Variants in IL12RB2 observed in about 807,000 individuals in gnomAD.
IL12RB2 encodes the protein interleukin-12 receptor subunit beta-2.
Under a neutral mutation model 89.4 loss-of-function variants are expected in IL12RB2, and 82 were observed. That is an observed-to-expected ratio of 0.92 (90% confidence interval 0.77 to 1.10). The LOEUF (loss-of-function observed/expected upper bound fraction) is 1.10. IL12RB2 is among the 50% of genes least tolerant of loss of function. The pLI is 0.00. For missense variants in IL12RB2, 963 were observed against 1,031.9 expected, an observed-to-expected ratio of 0.93 and a Z score of 0.92; for synonymous variants, 368 against 370.1, an observed-to-expected ratio of 0.99 and a Z score of 0.07.
At chr1:67,354,867 G>T (rs1268930913) in intron 10 of IL12RB2, among the ~76,000 whole-genome samples, 1 of 152,208 alleles carries the variant, frequency 6.6e-6, no homozygotes, top group African/African-American at 2.4e-5. Flanking sequence ...TGCTGATTTT[G>T]AGAGACCAGA....
intron 8 of IL12RB2, among the ~76,000 whole-genome samples, chr1:67,335,772 A>G (rs1184901516): frequency 6.6e-6 from 1 of 152,198 alleles, no homozygotes; most frequent in Non-Finnish European, 1.5e-5. Context: ...TGCTTTAAGC[A>G]GCAGTGATTT....
At chr1:67,322,100 T>G (rs1015531550) in intron 4 of IL12RB2, among the ~76,000 whole-genome samples, 3 of 152,062 alleles carry the variant, frequency 2.0e-5, no homozygotes, top group Non-Finnish European at 2.9e-5. Context: ...TCTCTCTCTC[T>G]CGCCATTAAA....
At chr1:67,326,410 C>T (rs952456576) in intron 4 of IL12RB2, among the ~76,000 whole-genome samples, 2 of 151,732 alleles carry the variant, frequency 1.3e-5, no homozygotes, top group African/African-American at 4.9e-5. Context: ...CCAGATATTT[C>T]ACCTCTCTCA....
At chr1:67,371,606 T>C (rs1663315087) in intron 11 of IL12RB2, among the ~76,000 whole-genome samples, 1 of 152,200 alleles carries the variant, frequency 6.6e-6, no homozygotes, top group Admixed American at 6.5e-5. Context: ...GAGAGGTATC[T>C]ATGAAAGGGG....
At position 67,383,747 on chromosome 1, in the gene IL12RB2, T is replaced by C. The variant is rs150465486; in HGVS notation, c.1856-2832T>C. On this transcript the variant is annotated intron_variant, in intron 14 of 16. Transcript: ENST00000674203. ...TCCACTTAAGCCTAGTGTTCCATTA[T>C]TGGAATGCTAAGCATGTGGGAGTTG... 7.9e-5 allele frequency among the ~76,000 whole-genome samples: 12 copies of C among 152,350 alleles called. No homozygotes were observed. In the East Asian group the frequency reaches 2.3e-3, roughly 29 times the overall value.
chr1:67,340,580 A>G (rs897152887), intron 9 of IL12RB2, among the ~76,000 whole-genome samples: 1 of 152,218 alleles, frequency 6.6e-6, no homozygotes, highest in African/African-American at 2.4e-5. Flanking sequence ...AAATGAGAGG[A>G]CACAAATGTA....
At position 67,321,694 on chromosome 1, in the gene IL12RB2, C is replaced by G. The variant is rs749699864; in HGVS notation, c.169C>G (p.Gln57Glu). 3 of 1,608,404 alleles carry G rather than the reference C, an allele frequency of 1.9e-6. No homozygotes were observed. The highest frequency in any genetic ancestry group is 1.7e-5 in the Admixed American group (1 of 60,018). ...TATTACATGCTCTTTGAAGCCCAGACAAGGCTGCTTTCACTATTCCAGACG... is the reference window on the plus strand; with the variant it reads ...TATTACATGCTCTTTGAAGCCCAGAGAAGGCTGCTTTCACTATTCCAGACG... Reference protein sequence around the residue: ...VNITCSLKPRQGCFHYSRRNK... With the variant: ...VNITCSLKPREGCFHYSRRNK... The change falls in exon 4 of 17, where the codon CAA (glutamine) becomes GAA (glutamate). Residue 57 changes from glutamine (Q) to glutamate (E), a missense_variant. Physicochemically the swap from Gln to Glu is conservative, Grantham distance 29 (BLOSUM62 2). Transcript: ENST00000674203.
chr1:67,379,210 A>C (rs1166963525), intron 13 of IL12RB2, among the ~76,000 whole-genome samples: 1 of 150,684 alleles, frequency 6.6e-6, no homozygotes, highest in East Asian at 1.9e-4. Context: ...AAAAATACAA[A>C]ATACAAAATT....
At chr1:67,326,215 G>C (rs1657266197) in intron 4 of IL12RB2, among the ~76,000 whole-genome samples, 1 of 152,096 alleles carries the variant, frequency 6.6e-6, no homozygotes, top group African/African-American at 2.4e-5. Flanking sequence ...ATTTTTAAAG[G>C]TTTCTAATAT....
chr1:67,387,694 C>T (rs1362263112), intron 15 of IL12RB2, among the ~76,000 whole-genome samples: 2 of 98,178 alleles, frequency 2.0e-5, no homozygotes, highest in Admixed American at 1.3e-4. Flanking sequence ...CACAGCAAGA[C>T]TGTCTCAAAA....
In IL12RB2 at chr1:67,339,765, AAG is replaced by A. The variant is rs145126235; in HGVS notation, c.1038+1067_1038+1068del. 3.6e-3 allele frequency among the ~76,000 whole-genome samples: 545 copies of A among 152,284 alleles called. 4 individuals are homozygous for A. Among genetic ancestry groups the A allele is most frequent in the African/African-American group, 0.012 (478 of 41,560 alleles). On this transcript the variant is annotated intron_variant, in intron 9 of 16. Coordinates refer to ENST00000674203, the MANE Select transcript of IL12RB2 (RefSeq NM_001374259.2). ...GAAAAAACGAGTATCAGAGAGAGGA[AAG>A]AGAGGAAGTTCTTGCCCAAAGTCAC...
At chr1:67,361,028 C>G (rs752187423) in intron 10 of IL12RB2, among the ~76,000 whole-genome samples, 1 of 151,976 alleles carries the variant, frequency 6.6e-6, no homozygotes, top group Non-Finnish European at 1.5e-5. Context: ...CAACTCGAGC[C>G]CACTGTAGCC....
At chr1:67,319,195 AC>A in intron 2 of IL12RB2, among the ~76,000 whole-genome samples, 1 of 152,178 alleles carries the variant, frequency 6.6e-6, no homozygotes, top group East Asian at 1.9e-4. Context: ...TAAGAGGTAA[AC>A]TTTTGCTTTG....
At chr1:67,348,669 TA>T (rs200575943) in intron 9 of IL12RB2, among the ~76,000 whole-genome samples, 13,117 of 142,696 alleles carry the variant, frequency 0.092, 627 homozygotes, top group Middle Eastern at 0.18. Context: ...CTTAAAAAAT[TA>T]AAAAAAAAAA....
At chr1:67,329,805 C>G (rs746407536) in intron 7 of IL12RB2, 76 bp downstream of exon 7, 149 of 1,012,932 alleles carry the variant, frequency 1.5e-4, no homozygotes, top group Non-Finnish European at 2.2e-4. Flanking sequence ...TCTTTTCATA[C>G]AGCAAAAAAT....
Position 67,367,968 on chromosome 1 carries a change from C to T in IL12RB2, c.1402C>T (p.Gln468Ter). 6.2e-7 allele frequency: 1 copy of T among 1,611,036 alleles called. No homozygotes were observed. Among genetic ancestry groups the T allele is most frequent in the African/African-American group, 1.3e-5 (1 of 75,002 alleles). Residue 468 changes from glutamine (Q) to a stop codon, truncating the protein, a stop_gained, in exon 11 of 17, where the codon CAG becomes TAG. Coordinates refer to ENST00000674203, the MANE Select transcript of IL12RB2 (RefSeq NM_001374259.2). LOFTEE classifies it high-confidence loss of function. ...AGAGCTCCATCCAGGGGGTGACACA[C>T]AGGTCCCTCTAAACTGGCTACGGAG... ...WRELHPGGDT[Q>*]VPLNWLRSRP...
At position 67,330,826 on chromosome 1, in the gene IL12RB2, A is replaced by G; in HGVS notation, c.958+16A>G. ...CCAGAAGAAGGTATATGTCCAAAAT[A>G]TACATACCTATCGGGGAGCAATAAA... is the stretch of plus-strand genomic sequence containing the variant. On this transcript the variant is annotated intron_variant, in intron 8 of 16. Coordinates refer to ENST00000674203, the MANE Select transcript of IL12RB2 (RefSeq NM_001374259.2). 1 of 1,405,228 alleles carries G rather than the reference A, an allele frequency of 7.1e-7. No individual in the cohort carries two copies. The highest frequency in any genetic ancestry group is 1.0e-6 in the Non-Finnish European group (1 of 989,788). 87.0% of individuals were successfully genotyped at this position (1,405,228 alleles called of 1,614,324 possible).
At chr1:67,390,455 C>CTTTTTTTTTTTTTTT (rs67532605) in intron 16 of IL12RB2, among the ~76,000 whole-genome samples, 1 of 107,524 alleles carries the variant, frequency 9.3e-6, no homozygotes, top group African/African-American at 3.5e-5. Context: ...GCAAACTTTC[C>CTTTTTTTTTTTTTTT]TTTTTTTTTT....
chr1:67,325,336 C>T lies in IL12RB2; in HGVS notation c.365-1399C>T, dbSNP rs370600975. Among the ~76,000 whole-genome samples the T allele has an allele frequency of 1.1e-4, 17 of 152,332 alleles. 1 individual carries two copies. In the South Asian group the frequency reaches 2.9e-3, roughly 26 times the overall value. On this transcript the variant is annotated intron_variant, in intron 4 of 16. Coordinates refer to ENST00000674203, the MANE Select transcript of IL12RB2 (RefSeq NM_001374259.2). ...GGAGTGCACTGGCACAATCTCAGCT[C>T]GTCGCAACCTCTACCTTTTGAGTTC... is the stretch of plus-strand genomic sequence containing the variant.
Sources: gnomAD v4.1 joint callset for allele counts (sites outside exome capture counted in the v4.1 genomes callset) on GRCh38, gnomAD v4.1.1 for gene constraint, MANE v1.5 for transcripts, NCBI Gene and HGNC (gene_info 2026-07-23, HGNC 2026-07-21) for gene names.